DIAPH2: variants seen among roughly 807,000 people sequenced by gnomAD.
The protein encoded by DIAPH2 is protein diaphanous homolog 2.
A neutral mutation model predicts 92.7 loss-of-function variants in DIAPH2; 35 were observed. The ratio of observed to expected loss-of-function variants is 0.38; its 90% CI spans 0.29 to 0.50. DIAPH2 has a LOEUF of 0.50. Among genes scored for constraint, DIAPH2 ranks in the 20% least tolerant of loss-of-function variants. DIAPH2 has a pLI of 0.94. For synonymous variants in DIAPH2, 301 were observed against 280.4 expected (o/e 1.07, Z -0.73); for missense variants, 701 against 819.5 (o/e 0.86, Z 1.77).
chrX:96,753,972 A>G (rs1394614447), intron 3 of DIAPH2, among the ~76,000 whole-genome samples: 2 of 112,348 alleles, frequency 1.8e-5, no homozygotes, highest in Non-Finnish European at 3.8e-5. Context: ...CTATGCATGC[A>G]TTTTATTGGT....
intron 15 of DIAPH2, among the ~76,000 whole-genome samples, chrX:96,952,098 A>G (rs764703676): frequency 6.1e-4 from 68 of 111,942 alleles, no homozygotes; most frequent in Non-Finnish European, 1.0e-3. Flanking sequence ...AATTACTTTT[A>G]TCTCAGTTAA....
At chrX:96,774,831 C>T (rs2064365117) in intron 4 of DIAPH2, among the ~76,000 whole-genome samples, 1 of 111,825 alleles carries the variant, frequency 8.9e-6, no homozygotes, top group African/African-American at 3.3e-5. Flanking sequence ...AGGGCAAGGA[C>T]CATGTCTTAA....
chrX:96,819,640 A>G (rs1297026804), intron 4 of DIAPH2, among the ~76,000 whole-genome samples: 1 of 112,379 alleles, frequency 8.9e-6, no homozygotes, highest in African/African-American at 3.2e-5. Context: ...AATCAATAGT[A>G]CATGATACAG....
chrX:97,328,375 C>T (rs1226368870), intron 23 of DIAPH2, among the ~76,000 whole-genome samples: 1 of 111,477 alleles, frequency 9.0e-6, no homozygotes, highest in Admixed American at 9.6e-5. Context: ...GCAGAGGTTG[C>T]AGTGAGCTGA....
At chrX:97,419,757 G>A (rs2069988308) in intron 25 of DIAPH2, among the ~76,000 whole-genome samples, 1 of 111,591 alleles carries the variant, frequency 9.0e-6, no homozygotes, top group African/African-American at 3.3e-5. Context: ...TCAATAAATG[G>A]TAGATATTAT....
At chrX:96,713,691 C>G (rs2063932604) in intron 1 of DIAPH2, among the ~76,000 whole-genome samples, 1 of 111,955 alleles carries the variant, frequency 8.9e-6, no homozygotes, top group African/African-American at 3.2e-5. Context: ...TTTCCTGTCT[C>G]TATAGTTTTG....
At chrX:96,778,667 C>T (rs991530299) in intron 4 of DIAPH2, among the ~76,000 whole-genome samples, 1 of 111,787 alleles carries the variant, frequency 8.9e-6, no homozygotes, top group African/African-American at 3.2e-5. Flanking sequence ...TTGCACATTA[C>T]ATTTATTTGT....
At chrX:96,854,532 ACTCT>A (rs1278391179) in intron 4 of DIAPH2, among the ~76,000 whole-genome samples, 2 of 94,500 alleles carry the variant, frequency 2.1e-5, no homozygotes, top group African/African-American at 3.9e-5. Context: ...CCCTTTATAT[ACTCT>A]CTCTCTCTTT....
intron 21 of DIAPH2, among the ~76,000 whole-genome samples, chrX:97,117,547 G>A (rs1187597849): frequency 8.9e-6 from 1 of 111,788 alleles, no homozygotes; most frequent in Non-Finnish European, 1.9e-5. Flanking sequence ...TCTTTTCTCA[G>A]TGATTTTAAA....
chrX:97,303,390 AGT>A (rs746297176), intron 23 of DIAPH2, among the ~76,000 whole-genome samples: 1 of 112,044 alleles, frequency 8.9e-6, no homozygotes, highest in East Asian at 2.8e-4. Flanking sequence ...ACATACAGAG[AGT>A]GTTACAAATT....
chrX:97,280,472 A>AAAT (rs900280458), intron 23 of DIAPH2, among the ~76,000 whole-genome samples: 5 of 110,866 alleles, frequency 4.5e-5, no homozygotes, highest in Admixed American at 1.9e-4. Context: ...CTCCGTCTCA[A>AAAT]AATAATAATA....
intron 1 of DIAPH2, among the ~76,000 whole-genome samples, chrX:96,687,477 T>C (rs769736976): frequency 3.7e-5 from 4 of 109,583 alleles, no homozygotes; most frequent in Non-Finnish European, 7.6e-5. Context: ...TCTCGCTCTG[T>C]TGCCATGGCT....
chrX:97,222,857 T>C (rs1295520616), intron 22 of DIAPH2, among the ~76,000 whole-genome samples: 2 of 111,421 alleles, frequency 1.8e-5, no homozygotes, highest in Non-Finnish European at 3.8e-5. Context: ...GATCTCACAC[T>C]GTTACCAAGG....
intron 23 of DIAPH2, among the ~76,000 whole-genome samples, chrX:97,297,604 C>T (rs5921773): frequency 8.9e-4 from 65 of 72,901 alleles, no homozygotes; most frequent in Non-Finnish European, 1.1e-3. Flanking sequence ...TTTTAGTGCA[C>T]TTTTTTTTTT....
chrX:96,914,729 A>G (rs1385707782), intron 7 of DIAPH2, among the ~76,000 whole-genome samples: 1 of 110,567 alleles, frequency 9.0e-6, no homozygotes, highest in Non-Finnish European at 1.9e-5. Flanking sequence ...AGAGTTTGGC[A>G]GTTTCGGAAA....
intron 26 of DIAPH2, among the ~76,000 whole-genome samples, chrX:97,544,889 A>T (rs997013956): frequency 2.7e-5 from 3 of 111,559 alleles, no homozygotes; most frequent in Non-Finnish European, 1.9e-5. Flanking sequence ...ATAATTTTAC[A>T]ATTTATTCAA....
chrX:96,741,580 A>G (rs2064120151), intron 3 of DIAPH2, among the ~76,000 whole-genome samples: 1 of 106,371 alleles, frequency 9.4e-6, no homozygotes, highest in Non-Finnish European at 1.9e-5. Context: ...GGCTCAGGTG[A>G]TCCTCCCACC....
chrX:96,960,100 G>A (rs1457601535), intron 16 of DIAPH2, among the ~76,000 whole-genome samples: 1 of 111,328 alleles, frequency 9.0e-6, no homozygotes, highest in Non-Finnish European at 1.9e-5. Context: ...CTCTTGTGTG[G>A]TTCCATATGA....
At chrX:96,908,831 C>A (rs1252154679) in intron 5 of DIAPH2, among the ~76,000 whole-genome samples, 3 of 111,692 alleles carry the variant, frequency 2.7e-5, no homozygotes, top group Admixed American at 9.5e-5. Flanking sequence ...GATCTCCTGA[C>A]CTCGTGATCC....
Sources: gnomAD v4.1 joint callset for allele counts (sites outside exome capture counted in the v4.1 genomes callset) on GRCh38, gnomAD v4.1.1 for gene constraint, MANE v1.5 for transcripts, NCBI Gene and HGNC (gene_info 2026-07-23, HGNC 2026-07-21) for gene names.